DGKI: variants seen among roughly 807,000 people sequenced by gnomAD.
DGKI encodes the protein DAG kinase iota.
In DGKI, 55 loss-of-function variants were observed where a neutral mutation model predicts 147.5. The observed-to-expected ratio is 0.37, with a 90% confidence interval of 0.30 to 0.47. The LOEUF (loss-of-function observed/expected upper bound fraction) is 0.47, where lower values mean the gene tolerates loss of function less well. Ranked by LOEUF, DGKI falls within the 20% of genes least tolerant of loss-of-function variation. The probability of loss-of-function intolerance (pLI) is 1.00; values close to 1 mark genes in which losing one functional copy is unlikely to be tolerated. For missense variants in DGKI, 1,007 were observed against 1,323.8 expected, an observed-to-expected ratio of 0.76 and a Z score of 3.71; for synonymous variants, 469 against 477.1, an observed-to-expected ratio of 0.98 and a Z score of 0.22.
intron 1 of DGKI, among the ~76,000 whole-genome samples, chr7:137,782,249 G>A (rs959419703): frequency 6.6e-6 from 1 of 152,118 alleles, no homozygotes; most frequent in African/African-American, 2.4e-5. Flanking sequence ...GTGCTGTCGT[G>A]GGGGCATGAT....
At chr7:137,807,036 C>T (rs766610441) in intron 1 of DGKI, among the ~76,000 whole-genome samples, 8 of 152,158 alleles carry the variant, frequency 5.3e-5, no homozygotes, top group Middle Eastern at 3.2e-3. Context: ...AAGAACTATG[C>T]TAAACTTTTA....
chr7:137,464,211 C>A (rs1434030949), intron 26 of DGKI, among the ~76,000 whole-genome samples: 1 of 145,328 alleles, frequency 6.9e-6, no homozygotes, highest in Non-Finnish European at 1.5e-5. Context: ...GAGCCAAGAT[C>A]GCACCACTGC....
intron 28 of DGKI, among the ~76,000 whole-genome samples, chr7:137,420,676 T>C (rs17534641): frequency 0.35 from 52,910 of 151,982 alleles, 10,025 homozygotes; most frequent in East Asian, 0.65. Context: ...GCTTGTTAGA[T>C]TGAATTAAAA....
At chr7:137,463,008 C>T (rs929730051) in intron 27 of DGKI, among the ~76,000 whole-genome samples, 1 of 152,130 alleles carries the variant, frequency 6.6e-6, no homozygotes, top group Non-Finnish European at 1.5e-5. Context: ...ATGGGCAGCA[C>T]CCAGCTTTAG....
intron 8 of DGKI, among the ~76,000 whole-genome samples, chr7:137,612,821 C>T (rs1175041783): frequency 2.6e-5 from 4 of 152,026 alleles, no homozygotes; most frequent in Non-Finnish European, 5.9e-5. Flanking sequence ...AAAGCATTCG[C>T]TTTGCAAGAT....
At chr7:137,538,971 G>T (rs1563074811) in intron 20 of DGKI, among the ~76,000 whole-genome samples, 2 of 152,122 alleles carry the variant, frequency 1.3e-5, no homozygotes, top group Non-Finnish European at 2.9e-5. Context: ...AAAGAGCTCT[G>T]GCAAAATGCT....
chr7:137,656,671 G>C, intron 3 of DGKI, 131 bp from the exon 4 acceptor site: 1 of 868,856 alleles, frequency 1.2e-6, no homozygotes, highest in Admixed American at 2.7e-5. Flanking sequence ...CTATTACAAA[G>C]CAAATTTAAA....
chr7:137,389,550 T>C lies in DGKI; in HGVS notation c.*1670A>G, dbSNP rs1354176408. On this transcript the variant is annotated 3_prime_UTR_variant, in exon 33 of 33. Coordinates refer to ENST00000614521, the MANE Select transcript of DGKI (RefSeq NM_001321708.2). ...TAGAAACATTAGGGAAGCACTATGC[T>C]ATGTCCAAGGACAAAATGAAAATAA... 1 of 152,236 alleles carries C rather than the reference T, an allele frequency of 6.6e-6. No homozygotes were observed. The highest frequency in any genetic ancestry group is 1.5e-5 in the Non-Finnish European group (1 of 68,048). 9.4% of individuals were successfully genotyped at this position (152,236 alleles called of 1,614,324 possible).
At chr7:137,793,013 A>C (rs553163652) in intron 1 of DGKI, among the ~76,000 whole-genome samples, 8 of 152,158 alleles carry the variant, frequency 5.3e-5, no homozygotes, top group Non-Finnish European at 1.0e-4. Flanking sequence ...AATTCTCACC[A>C]TTGTCTTATG....
At chr7:137,767,755 A>C (rs1470642997) in intron 1 of DGKI, among the ~76,000 whole-genome samples, 1 of 152,214 alleles carries the variant, frequency 6.6e-6, no homozygotes, top group Non-Finnish European at 1.5e-5. Context: ...ATGACTTTGG[A>C]AAGTTAGTTA....
chr7:137,729,307 C>T (rs1585417896), intron 1 of DGKI, among the ~76,000 whole-genome samples: 1 of 152,230 alleles, frequency 6.6e-6, no homozygotes, highest in African/African-American at 2.4e-5. Context: ...ACTTCTCTTA[C>T]TCTGAGATGG....
chr7:137,657,319 A>C (rs1822260378), intron 3 of DGKI, among the ~76,000 whole-genome samples: 1 of 152,252 alleles, frequency 6.6e-6, no homozygotes, highest in Admixed American at 6.5e-5. Flanking sequence ...AAGGCACAGC[A>C]GGGCCAAGTG....
rs150859184 is a variant in DGKI at position 137,780,964 on chromosome 7, G to T, written c.401+65498C>A. 3.9e-5 allele frequency among the ~76,000 whole-genome samples: 6 copies of T among 152,234 alleles called. No individual in the cohort carries two copies. The South Asian group carries it at 1.2e-3, about 32-fold the overall frequency. ...AGGGACTTTAAAAAGGCAGACAGAG[G>T]GCTTCACATCTGTCCTCAGCAGTCT... On this transcript the variant is annotated intron_variant, in intron 1 of 32. Coordinates refer to ENST00000614521, the MANE Select transcript of DGKI (RefSeq NM_001321708.2).
intron 1 of DGKI, chr7:137,722,569 A>C (rs1370393690): frequency 5.7e-6 from 9 of 1,585,450 alleles, no homozygotes; most frequent in Non-Finnish European, 6.9e-6. Flanking sequence ...GAAATTTGTC[A>C]TTGCCACCTC....
At chr7:137,647,738 T>A (rs10155936) in intron 5 of DGKI, among the ~76,000 whole-genome samples, 11,921 of 152,266 alleles carry the variant, frequency 0.078, 1,513 homozygotes, top group African/African-American at 0.26. Flanking sequence ...ACCTTTAGCA[T>A]CTGCCTACTC....
At chr7:137,689,253 G>A (rs1823525068) in intron 2 of DGKI, among the ~76,000 whole-genome samples, 1 of 152,050 alleles carries the variant, frequency 6.6e-6, no homozygotes, top group Admixed American at 6.5e-5. Flanking sequence ...AAAGCCTTTG[G>A]GTCTACAGTT....
chr7:137,445,171 G>A (rs1813666976), intron 27 of DGKI, among the ~76,000 whole-genome samples: 1 of 152,176 alleles, frequency 6.6e-6, no homozygotes, highest in East Asian at 1.9e-4. Flanking sequence ...ATAATTTTTA[G>A]CTACTTTGGG....
At chr7:137,530,767 G>T (rs1344104761) in intron 20 of DGKI, among the ~76,000 whole-genome samples, 1 of 152,018 alleles carries the variant, frequency 6.6e-6, no homozygotes, top group Non-Finnish European at 1.5e-5. Flanking sequence ...AAAAGAATTT[G>T]GTTCAAAGGA....
intron 27 of DGKI, among the ~76,000 whole-genome samples, chr7:137,457,098 G>A (rs1814233798): frequency 6.6e-6 from 1 of 152,186 alleles, no homozygotes; most frequent in Non-Finnish European, 1.5e-5. Context: ...ACATATGTCA[G>A]CTATCCTGTA....
Sources: gnomAD v4.1 joint callset for allele counts (sites outside exome capture counted in the v4.1 genomes callset) on GRCh38, gnomAD v4.1.1 for gene constraint, MANE v1.5 for transcripts, NCBI Gene and HGNC (gene_info 2026-07-23, HGNC 2026-07-21) for gene names.